The following ERBB4 variants were observed in gnomAD, a reference collection of about 807,000 sequenced individuals.
ERBB4 encodes receptor tyrosine-protein kinase erbB-4.
In ERBB4, 42 loss-of-function variants were observed where a neutral mutation model predicts 158.0. The observed-to-expected ratio is 0.27, with a 90% CI of 0.21 to 0.34. The LOEUF (loss-of-function observed/expected upper bound fraction) is 0.34. ERBB4 is among the 10% of genes least tolerant of loss of function. The pLI is 1.00. For synonymous variants in ERBB4, 583 were observed against 558.7 expected, an observed-to-expected ratio of 1.04 and a Z score of -0.61; for missense variants, 1,333 against 1,624.1, an observed-to-expected ratio of 0.82 and a Z score of 3.08.
At chr2:211,936,793 G>T (rs955699006) in intron 3 of ERBB4, among the ~76,000 whole-genome samples, 3 of 152,022 alleles carry the variant, frequency 2.0e-5, no homozygotes, top group East Asian at 3.9e-4. Flanking sequence ...GATCTCAAAA[G>T]AAAACAAAAA....
intron 1 of ERBB4, among the ~76,000 whole-genome samples, chr2:212,453,308 T>C (rs1275937093): frequency 6.6e-6 from 1 of 152,138 alleles, no homozygotes; most frequent in Admixed American, 6.6e-5. Flanking sequence ...TTAAGGTCCA[T>C]GGGACAAAAA....
At chr2:212,066,822 T>G (rs1335712087) in intron 2 of ERBB4, among the ~76,000 whole-genome samples, 1 of 151,892 alleles carries the variant, frequency 6.6e-6, no homozygotes, top group African/African-American at 2.4e-5. Flanking sequence ...ATGGAAAGCA[T>G]GAAAAGAACT....
chr2:211,670,349 T>A (rs1323578111), intron 14 of ERBB4, among the ~76,000 whole-genome samples: 1 of 152,200 alleles, frequency 6.6e-6, no homozygotes, highest in East Asian at 1.9e-4. Flanking sequence ...AGATGTCGTG[T>A]TCTTACCTGC....
intron 1 of ERBB4, among the ~76,000 whole-genome samples, chr2:212,301,634 A>T (rs1008840118): frequency 2.0e-5 from 3 of 150,204 alleles, no homozygotes; most frequent in Admixed American, 6.6e-5. Context: ...AGGTCCTAAT[A>T]TTGTCAGTAC....
intron 1 of ERBB4, among the ~76,000 whole-genome samples, chr2:212,153,397 A>G (rs1289756141): frequency 6.6e-6 from 1 of 152,188 alleles, no homozygotes; most frequent in Non-Finnish European, 1.5e-5. Context: ...CAGAATGCCC[A>G]GAAACATCCT....
chr2:212,532,604 G>A (rs926423741), intron 1 of ERBB4, among the ~76,000 whole-genome samples: 1 of 152,146 alleles, frequency 6.6e-6, no homozygotes, highest in Non-Finnish European at 1.5e-5. Context: ...ATAAAGGTAA[G>A]GCGATTGAGA....
At chr2:212,421,969 C>G (rs1432933752) in intron 1 of ERBB4, among the ~76,000 whole-genome samples, 1 of 152,106 alleles carries the variant, frequency 6.6e-6, no homozygotes, top group African/African-American at 2.4e-5. Context: ...ATCTAACGAA[C>G]AAACATGCAG....
At chr2:212,103,009 G>A (rs1031695631) in intron 2 of ERBB4, among the ~76,000 whole-genome samples, 14 of 151,876 alleles carry the variant, frequency 9.2e-5, no homozygotes, top group South Asian at 6.2e-4. Flanking sequence ...CATTTTCCAC[G>A]CAGCAATGTT....
intron 3 of ERBB4, among the ~76,000 whole-genome samples, chr2:211,799,946 T>G (rs2076464030): frequency 6.6e-6 from 1 of 152,192 alleles, no homozygotes; most frequent in Non-Finnish European, 1.5e-5. Flanking sequence ...GTGCATTTGC[T>G]CATTTAAAAA....
intron 16 of ERBB4, among the ~76,000 whole-genome samples, chr2:211,656,655 G>T (rs761653323): frequency 6.6e-6 from 1 of 152,116 alleles, no homozygotes; most frequent in Non-Finnish European, 1.5e-5. Context: ...CCGATCTCCA[G>T]CTCTTGGCAA....
Position 212,490,818 on chromosome 2 carries a change from A to G in ERBB4, c.82+47631T>C, listed in dbSNP as rs182219252. Among the ~76,000 whole-genome samples, 392 of 151,928 alleles carry G rather than the reference A, an allele frequency of 2.6e-3. 1 individual carries two copies. Among genetic ancestry groups the G allele is most frequent in the African/African-American group, 9.0e-3 (376 of 41,552 alleles). ...TAGTTTATGTTAAGAGCAATCAAAC[A>G]GTAACTTTAGCAGTGTTTAGTAAAT... is the stretch of plus-strand genomic sequence containing the variant. On this transcript the variant is annotated intron_variant, in intron 1 of 27. Coordinates refer to ENST00000342788, the MANE Select transcript of ERBB4 (RefSeq NM_005235.3).
At chr2:212,157,981 G>C (rs2081092660) in intron 1 of ERBB4, among the ~76,000 whole-genome samples, 1 of 151,954 alleles carries the variant, frequency 6.6e-6, no homozygotes, top group South Asian at 2.1e-4. Flanking sequence ...ACTGAGATAG[G>C]CTCCTCTGAA....
rs181830646 is a variant in ERBB4, at chr2:212,059,445, T to C, written c.234+65307A>G. 1.8e-3 allele frequency among the ~76,000 whole-genome samples: 276 copies of C among 152,308 alleles called. 2 individuals are homozygous for C. The highest frequency in any genetic ancestry group is 6.4e-3 in the African/African-American group (264 of 41,562). On this transcript the variant is annotated intron_variant, in intron 2 of 27. Transcript: ENST00000342788. ...TTCACACAATTGGAAAAAACTGCTT[T>C]AAAGTTCATATGGAACCAAAAAAGA...
chr2:211,712,273 T>C (rs894584082), intron 8 of ERBB4, 97 bp from the exon 9 acceptor site: 18 of 1,187,338 alleles, frequency 1.5e-5, no homozygotes, highest in Admixed American at 7.3e-5. Flanking sequence ...TATTTTTAAT[T>C]GTAACATATA....
At chr2:212,508,193 G>C (rs1224630605) in intron 1 of ERBB4, among the ~76,000 whole-genome samples, 3 of 152,178 alleles carry the variant, frequency 2.0e-5, no homozygotes, top group African/African-American at 7.2e-5. Flanking sequence ...ACACTTTACA[G>C]ATAACAGTAT....
At chr2:211,997,011 T>C (rs2082215312) in intron 2 of ERBB4, among the ~76,000 whole-genome samples, 1 of 152,180 alleles carries the variant, frequency 6.6e-6, no homozygotes, top group Non-Finnish European at 1.5e-5. Flanking sequence ...CTGGACTGCT[T>C]TTAACTGCGA....
chr2:212,439,806 C>T (rs535499681), intron 1 of ERBB4, among the ~76,000 whole-genome samples: 4 of 151,756 alleles, frequency 2.6e-5, no homozygotes, highest in East Asian at 1.9e-4. Context: ...AAAGTATTTA[C>T]GAATAAAAAA....
chr2:212,222,907 G>A (rs563260909), intron 1 of ERBB4, among the ~76,000 whole-genome samples: 4 of 151,494 alleles, frequency 2.6e-5, no homozygotes, highest in African/African-American at 9.6e-5. Context: ...TTTGTTCAAT[G>A]ATTATTGGAT....
At chr2:212,218,743 C>T (rs1016042736) in intron 1 of ERBB4, among the ~76,000 whole-genome samples, 2 of 151,336 alleles carry the variant, frequency 1.3e-5, no homozygotes, top group Admixed American at 1.3e-4. Flanking sequence ...CATGCTGGCA[C>T]ATATCAATAT....
Sources: allele counts gnomAD v4.1 joint callset (sites outside exome capture counted in the v4.1 genomes callset), GRCh38; gene constraint gnomAD v4.1.1; transcripts MANE v1.5; gene names NCBI Gene and HGNC (gene_info 2026-07-23, HGNC 2026-07-21).